Variants in USP45 observed in about 807,000 individuals in gnomAD.
USP45 encodes ubiquitin carboxyl-terminal hydrolase 45.
Under a neutral mutation model 95.8 loss-of-function variants are expected in USP45, and 89 were observed. That is an observed-to-expected ratio of 0.93 (90% confidence interval 0.78 to 1.11). The LOEUF is 1.11. Among genes scored for constraint, USP45 ranks in the 50% least tolerant of loss-of-function variants. The pLI is 0.00. For synonymous variants in USP45, 281 were observed against 316.2 expected, an observed-to-expected ratio of 0.89 and a Z score of 1.18; for missense variants, 898 against 942.5, an observed-to-expected ratio of 0.95 and a Z score of 0.62.
At chr6:99,503,632 T>TA in intron 5 of USP45, 133 bp downstream of exon 5, 1 of 615,822 alleles carries the variant, frequency 1.6e-6, no homozygotes, top group Non-Finnish European at 2.6e-6. Flanking sequence ...ACCCAGCCGA[T>TA]ACTCATAATA....
rs778708144 is a variant in USP45, at chr6:99,507,409, C to T, written c.377+19G>A. 4 of 1,506,076 alleles carry T rather than the reference C, an allele frequency of 2.7e-6. No individual in the cohort carries two copies. In the African/African-American group the frequency reaches 5.6e-5, roughly 21 times the overall value. 93.3% of individuals were successfully genotyped at this position (1,506,076 alleles called of 1,614,324 possible). A position where few individuals can be genotyped will look rare whatever the true frequency, so the allele number is the denominator to read the frequency against. On this transcript the variant is annotated intron_variant, in intron 4 of 17. Coordinates refer to ENST00000500704, the MANE Select transcript of USP45 (RefSeq NM_001346022.3). ...GGGCTGTGGTTAGTGGACACAAGAACTAACAAAATTTAACTTACCATATAA... is the reference window on the plus strand; with the variant it reads ...GGGCTGTGGTTAGTGGACACAAGAATTAACAAAATTTAACTTACCATATAA...
chr6:99,462,226 G>A (rs1786634683), intron 13 of USP45: 1 of 979,694 alleles, frequency 1.0e-6, no homozygotes, highest in Non-Finnish European at 1.2e-6. Context: ...ATAAAGAGTA[G>A]GTCCAATTTG....
Position 99,460,522 on chromosome 6 carries a change from T to C in USP45, c.1308+4082A>G, listed in dbSNP as rs72930690. Among the ~76,000 whole-genome samples, 50 of 152,330 alleles carry C rather than the reference T, an allele frequency of 3.3e-4. 1 individual carries two copies. The South Asian group carries it at 7.0e-3, about 21-fold the overall frequency. ...CTTAAAAAAATTTACATAGGTTAAG[T>C]TGCCATTTTCTCAAATATCTCTGTA... On this transcript the variant is annotated intron_variant, in intron 13 of 17. Coordinates refer to ENST00000500704, the MANE Select transcript of USP45 (RefSeq NM_001346022.3).
intron 13 of USP45, among the ~76,000 whole-genome samples, chr6:99,463,920 G>T (rs187910615): frequency 1.7e-4 from 25 of 151,082 alleles, no homozygotes; most frequent in Non-Finnish European, 1.5e-5. Context: ...GACAACTGCA[G>T]AAATTTAAAT....
chr6:99,449,415 G>A (rs1783329889), intron 13 of USP45, among the ~76,000 whole-genome samples: 1 of 152,050 alleles, frequency 6.6e-6, no homozygotes, highest in Non-Finnish European at 1.5e-5. Context: ...GATCAAAAGA[G>A]AAAGAAGGTC....
At chr6:99,496,851 A>T (rs1796412387) in intron 5 of USP45, among the ~76,000 whole-genome samples, 1 of 151,958 alleles carries the variant, frequency 6.6e-6, no homozygotes, top group Admixed American at 6.6e-5. Flanking sequence ...CTACCCCAAC[A>T]CATGCATAGC....
chr6:99,485,346 A>G (rs989980198), intron 7 of USP45, among the ~76,000 whole-genome samples: 5 of 152,120 alleles, frequency 3.3e-5, no homozygotes, highest in Admixed American at 6.5e-5. Flanking sequence ...CTCCATCTCA[A>G]AAAATAAATA....
At chr6:99,466,852 T>C in intron 10 of USP45, 89 bp from the exon 11 acceptor site, 1 of 885,710 alleles carries the variant, frequency 1.1e-6, no homozygotes. Context: ...TCAAAAGTAA[T>C]CTGAATAAGA....
At chr6:99,502,943 G>A (rs923681838) in intron 5 of USP45, among the ~76,000 whole-genome samples, 21 of 152,148 alleles carry the variant, frequency 1.4e-4, no homozygotes, top group Admixed American at 1.3e-3. Flanking sequence ...ACAGCAGCAG[G>A]CTTCCTGCAC....
At position 99,468,188 on chromosome 6, in the gene USP45, A is replaced by G. The variant is rs1488664985; in HGVS notation, c.1015+349T>C. On this transcript the variant is annotated intron_variant, in intron 10 of 17. Coordinates refer to ENST00000500704, the MANE Select transcript of USP45 (RefSeq NM_001346022.3). The stretch of plus-strand genomic sequence containing the variant: ...AGTTACATCTAAAAAATATCCATAA[A>G]TCCATTGATCCAAACACATGTCAAA... The G allele has an allele frequency of 3.9e-5, 18 of 459,976 alleles. No individual in the cohort carries two copies. The East Asian group carries it at 1.2e-3, about 30-fold the overall frequency. 28.5% of individuals were successfully genotyped at this position (459,976 alleles called of 1,614,324 possible).
At chr6:99,495,928 A>G (rs1796189277) in intron 5 of USP45, among the ~76,000 whole-genome samples, 1 of 152,160 alleles carries the variant, frequency 6.6e-6, no homozygotes, top group African/African-American at 2.4e-5. Flanking sequence ...AAAACTGAGA[A>G]AATAGTCACT....
chr6:99,503,286 G>A (rs555541110), intron 5 of USP45, among the ~76,000 whole-genome samples: 10 of 151,812 alleles, frequency 6.6e-5, no homozygotes, highest in Admixed American at 2.0e-4. Context: ...TTATATAAAC[G>A]TATAACAAGG....
Position 99,503,773 on chromosome 6 carries a change from G to C in USP45, c.470C>G (p.Thr157Arg). 1 of 1,592,256 alleles carries C rather than the reference G, an allele frequency of 6.3e-7. No individual in the cohort carries two copies. The highest frequency in any genetic ancestry group is 8.6e-7 in the Non-Finnish European group (1 of 1,168,096). ...VDFLQKHASK[T>R]QTSAFSRIMK... is the part of the protein sequence containing the mutation. ...GTCATCGCTTAACTTACTTGTTTGT[G>C]TTTTAGAAGCATGTTTCTGGAGAAA... The change falls in exon 5 of 18, where the codon ACA becomes AGA. Residue 157 changes from threonine to arginine, a missense_variant. Transcript: ENST00000500704.
intron 8 of USP45, among the ~76,000 whole-genome samples, chr6:99,477,434 G>C (rs953023198): frequency 6.6e-6 from 1 of 152,098 alleles, no homozygotes; most frequent in Non-Finnish European, 1.5e-5. Context: ...CTCCTGAGTG[G>C]CTGGGACTAC....
Position 99,445,987 on chromosome 6 carries a change from C to T in USP45, c.1785G>A (p.Leu595=). The T allele has an allele frequency of 6.2e-7, 1 of 1,613,972 alleles. No homozygotes were observed. The highest frequency in any genetic ancestry group is 8.5e-7 in the Non-Finnish European group (1 of 1,179,978). ...NNLCFLEGKH[L]RSYSPQNAFQ... is the part of the protein sequence containing the mutation. ...AAGCATTTTGGGGACTATAAGACCT[C>T]AAATGCTTCCCCTCTAAAAAACATA... The change falls in exon 14 of 18, where the codon TTG becomes TTA. Residue 595 remains leucine, a synonymous_variant. Transcript: ENST00000500704.
chr6:99,476,002 A>C (rs1253625618), intron 9 of USP45, 141 bp downstream of exon 9: 9 of 623,492 alleles, frequency 1.4e-5, no homozygotes, highest in Non-Finnish European at 2.4e-5. Flanking sequence ...TTTTTATTAG[A>C]GACGAGGTTT....
At chr6:99,509,591 T>C (rs1487232449) in intron 2 of USP45, among the ~76,000 whole-genome samples, 1 of 150,560 alleles carries the variant, frequency 6.6e-6, no homozygotes, top group African/African-American at 2.5e-5. Flanking sequence ...CCAAAAGCCA[T>C]CTGCCAAGCT....
chr6:99,511,845 GTATATATATA>G (rs751350306), intron 1 of USP45, among the ~76,000 whole-genome samples: 17 of 22,808 alleles, frequency 7.5e-4, no homozygotes, highest in Non-Finnish European at 1.1e-3. Context: ...GTGAGTGTGT[GTATATATATA>G]TATATATATA....
chr6:99,505,482 A>G (rs1034596188), intron 4 of USP45, among the ~76,000 whole-genome samples: 1 of 151,974 alleles, frequency 6.6e-6, no homozygotes, highest in African/African-American at 2.4e-5. Context: ...CCTGGCCAAT[A>G]TGGTGAAATA....
Sources: allele counts gnomAD v4.1 joint callset (sites outside exome capture counted in the v4.1 genomes callset), GRCh38; gene constraint gnomAD v4.1.1; transcripts MANE v1.5; gene names NCBI Gene and HGNC (gene_info 2026-07-23, HGNC 2026-07-21).